Variants in NCAPG2 observed in about 807,000 individuals in gnomAD.
NCAPG2 encodes the protein condensin-2 complex subunit G2.
Under a neutral mutation model 141.1 loss-of-function variants are expected in NCAPG2, and 53 were observed. The observed-to-expected ratio is 0.38, with a 90% CI of 0.30 to 0.47. The LOEUF (loss-of-function observed/expected upper bound fraction) is 0.47. NCAPG2 is among the 20% of genes least tolerant of loss of function. The pLI is 0.99. For missense variants in NCAPG2, 1,087 were observed against 1,389.0 expected (o/e 0.78, Z 3.46); for synonymous variants, 499 against 490.7 (o/e 1.02, Z -0.22).
At chr7:158,642,524 T>A (rs1156486654) in intron 27 of NCAPG2, among the ~76,000 whole-genome samples, 2 of 150,730 alleles carry the variant, frequency 1.3e-5, no homozygotes, top group African/African-American at 4.9e-5. Flanking sequence ...CAAGACTCCA[T>A]CTCAAAACAA....
intron 2 of NCAPG2, among the ~76,000 whole-genome samples, chr7:158,695,961 C>T (rs1563581440): frequency 6.6e-6 from 1 of 152,248 alleles, no homozygotes; most frequent in South Asian, 2.1e-4. Flanking sequence ...GCCCTGGCCA[C>T]CTGTGCCCCA....
At chr7:158,673,110 G>C (rs745985120) in intron 12 of NCAPG2, among the ~76,000 whole-genome samples, 1 of 152,216 alleles carries the variant, frequency 6.6e-6, no homozygotes, top group African/African-American at 2.4e-5. Context: ...GGAAGGAGCA[G>C]GTGAACCTCA....
At chr7:158,685,123 T>C (rs941284176) in intron 8 of NCAPG2, among the ~76,000 whole-genome samples, 1 of 152,148 alleles carries the variant, frequency 6.6e-6, no homozygotes, top group South Asian at 2.1e-4. Context: ...GAACCTGGTA[T>C]AAGAAAAATA....
chr7:158,668,239 G>A (rs1354738694), intron 13 of NCAPG2: 2 of 72,936 alleles, frequency 2.7e-5, no homozygotes, highest in African/African-American at 1.1e-3. Context: ...GGGTCCCTCT[G>A]CCCTCCTTAC....
chr7:158,681,019 A>G (rs1036622339), intron 9 of NCAPG2, among the ~76,000 whole-genome samples: 1 of 152,248 alleles, frequency 6.6e-6, no homozygotes, highest in African/African-American at 2.4e-5. Flanking sequence ...ATCACAAGAA[A>G]GAATCTACGG....
At chr7:158,648,980 A>C (rs1476101291) in intron 24 of NCAPG2, among the ~76,000 whole-genome samples, 1 of 152,288 alleles carries the variant, frequency 6.6e-6, no homozygotes. Flanking sequence ...AATGGACTAC[A>C]ACCACGGCAA....
chr7:158,643,664 G>C (rs1830797880), intron 27 of NCAPG2, among the ~76,000 whole-genome samples: 2 of 152,250 alleles, frequency 1.3e-5, no homozygotes, highest in Admixed American at 1.3e-4. Context: ...GAATTTCCTA[G>C]TGCAGAGCTT....
chr7:158,664,776 G>A (rs903713731), intron 13 of NCAPG2, 26 bp from the exon 14 acceptor site: 17 of 1,581,404 alleles, frequency 1.1e-5, no homozygotes, highest in Non-Finnish European at 1.4e-5. Flanking sequence ...ATATGCAGAA[G>A]GAAATAATCA....
At chr7:158,642,051 C>T (rs1830685648) in intron 27 of NCAPG2, among the ~76,000 whole-genome samples, 1 of 152,128 alleles carries the variant, frequency 6.6e-6, no homozygotes, top group Non-Finnish European at 1.5e-5. Flanking sequence ...AATGTCTGCT[C>T]TCAGGCTACA....
In NCAPG2 at chr7:158,633,848, T is replaced by C. The variant is rs529061829; in HGVS notation, c.3381-2131A>G. On this transcript the variant is annotated intron_variant, in intron 27 of 27. Transcript: ENST00000356309. The surrounding 1 kb of genome is among the most constrained non-coding windows in gnomAD (Gnocchi z 4.1). ...TCACTGCAGCCTTGACCTCTCGGGC[T>C]CAAGCAATCCTCCCAGCTCACCCTC... Among the ~76,000 whole-genome samples, 5 of 152,166 alleles carry C rather than the reference T, an allele frequency of 3.3e-5. No individual in the cohort carries two copies. The highest frequency in any genetic ancestry group is 1.2e-4 in the African/African-American group (5 of 41,510).
In NCAPG2 at chr7:158,646,227, C is replaced by G. The variant is rs557393507; in HGVS notation, c.3179+233G>C. On this transcript the variant is annotated intron_variant, in intron 25 of 27. Coordinates refer to ENST00000356309, the MANE Select transcript of NCAPG2 (RefSeq NM_017760.7). The stretch of plus-strand genomic sequence containing the variant: ...TTTAAGTTATGAGAAGCATAACTAA[C>G]CAGAGACTATTTAGATGAATATTCT... Among the ~76,000 whole-genome samples the G allele has an allele frequency of 2.0e-5, 3 of 152,172 alleles. No individual in the cohort carries two copies. In the East Asian group the frequency reaches 5.8e-4, roughly 29 times the overall value.
Position 158,687,347 on chromosome 7 carries a change from C to T in NCAPG2, c.767+1G>A. ...AAATCTTCAGTACTTTTAACACTTA[C>T]TTTTGTAATCCCTGTAACTGGTTTT... On this transcript the variant is annotated splice_donor_variant, in intron 7 of 27. Transcript: ENST00000356309. LOFTEE classifies it high-confidence loss of function. The T allele has an allele frequency of 6.3e-7, 1 of 1,599,020 alleles. No individual in the cohort carries two copies. Among genetic ancestry groups the T allele is most frequent in the Non-Finnish European group, 8.5e-7 (1 of 1,170,828 alleles).
chr7:158,631,544 A>G lies in NCAPG2; in HGVS notation c.*122T>C. On this transcript the variant is annotated 3_prime_UTR_variant, in exon 28 of 28. Transcript: ENST00000356309. ...ACCCCCACCTTCCCACATTCCCACA[A>G]AAAAATCCCACCCTTTCCCTATTAT... The G allele has an allele frequency of 2.0e-6, 2 of 1,000,408 alleles. No homozygotes were observed. The highest frequency in any genetic ancestry group is 2.8e-5 in the South Asian group (2 of 70,940). The allele number at this position is 1,000,408 out of a possible 1,614,324, so 62.0% of individuals were successfully genotyped here.
chr7:158,649,058 A>T (rs1448207679), intron 24 of NCAPG2, among the ~76,000 whole-genome samples: 1 of 152,268 alleles, frequency 6.6e-6, no homozygotes, highest in Non-Finnish European at 1.5e-5. Flanking sequence ...GTTTTAAAAG[A>T]TAGGCTATGC....
chr7:158,632,003 G>A (rs1296477087), intron 27 of NCAPG2, among the ~76,000 whole-genome samples: 1 of 151,914 alleles, frequency 6.6e-6, no homozygotes, highest in Non-Finnish European at 1.5e-5. Context: ...CTATGCTGGT[G>A]AGCAAACAGG....
At chr7:158,679,819 A>G (rs2129467468) in intron 11 of NCAPG2, 141 bp downstream of exon 11, 1 of 1,109,298 alleles carries the variant, frequency 9.0e-7, no homozygotes, top group Middle Eastern at 2.1e-4. Flanking sequence ...TCTCTGAAGA[A>G]CAGTCCAGGT....
chr7:158,677,398 C>T (rs1163114475), intron 11 of NCAPG2, among the ~76,000 whole-genome samples: 4 of 151,842 alleles, frequency 2.6e-5, no homozygotes, highest in African/African-American at 4.8e-5. Flanking sequence ...TGACTCTACA[C>T]AACTAGAGAA....
At chr7:158,674,437 C>G (rs940399237) in intron 12 of NCAPG2, among the ~76,000 whole-genome samples, 4 of 152,118 alleles carry the variant, frequency 2.6e-5, no homozygotes, top group African/African-American at 9.7e-5. Context: ...CAGGTACACA[C>G]CACCATGCCC....
intron 13 of NCAPG2, among the ~76,000 whole-genome samples, chr7:158,667,521 CT>C (rs1833169829): frequency 2.7e-5 from 2 of 75,174 alleles, no homozygotes; most frequent in South Asian, 6.7e-4. Flanking sequence ...TCCCTCCGCC[CT>C]CCTTACCTAC....
Sources: allele counts gnomAD v4.1 joint callset (sites outside exome capture counted in the v4.1 genomes callset), GRCh38; gene constraint gnomAD v4.1.1; non-coding constraint Gnocchi (gnomAD v3.1); transcripts MANE v1.5; gene names NCBI Gene and HGNC (gene_info 2026-07-23, HGNC 2026-07-21).